Variants in C9 observed in about 807,000 individuals in gnomAD.
The protein encoded by C9 is complement component C9.
In C9, 63 loss-of-function variants were observed where a neutral mutation model predicts 65.4. That is an observed-to-expected ratio of 0.96 (90% CI 0.79 to 1.19). The LOEUF (loss-of-function observed/expected upper bound fraction) is 1.19. Among genes scored for constraint, C9 ranks in the 50% most tolerant of loss-of-function variants. The pLI is 0.00. For synonymous variants in C9, 229 were observed against 227.9 expected (o/e 1.00, Z -0.04); for missense variants, 744 against 670.1 (o/e 1.11, Z -1.22).
At chr5:39,321,094 A>G (rs1272964570) in intron 5 of C9, among the ~76,000 whole-genome samples, 3 of 152,114 alleles carry the variant, frequency 2.0e-5, no homozygotes, top group African/African-American at 7.2e-5. Flanking sequence ...AAATTATAAA[A>G]TTCACTGGTA....
chr5:39,296,937 G>T (rs6890977), intron 9 of C9, among the ~76,000 whole-genome samples: 1 of 151,224 alleles, frequency 6.6e-6, no homozygotes, highest in African/African-American at 2.4e-5. Context: ...GGTTGGGAAG[G>T]GTAGGGGAAA....
intron 4 of C9, among the ~76,000 whole-genome samples, chr5:39,334,342 C>A (rs1469995458): frequency 3.3e-5 from 5 of 150,264 alleles, no homozygotes; most frequent in Admixed American, 1.3e-4. Flanking sequence ...TGCCCGGCCG[C>A]CCCATCTGAG....
At chr5:39,310,309 AC>A (rs2111884763) in intron 7 of C9, among the ~76,000 whole-genome samples, 1 of 152,244 alleles carries the variant, frequency 6.6e-6, no homozygotes, top group East Asian at 1.9e-4. Flanking sequence ...TAAGAGACAC[AC>A]CTATAGTTAC....
chr5:39,348,041 A>G (rs901604191), intron 1 of C9, among the ~76,000 whole-genome samples: 2 of 151,660 alleles, frequency 1.3e-5, no homozygotes, highest in South Asian at 4.2e-4. Context: ...AAAGGCTTAC[A>G]TGTTAGACCT....
chr5:39,301,504 G>A (rs1478129996), intron 9 of C9, among the ~76,000 whole-genome samples: 6 of 152,082 alleles, frequency 3.9e-5, no homozygotes, highest in Non-Finnish European at 8.8e-5. Flanking sequence ...CTATGCTTAT[G>A]TAAATTACTA....
chr5:39,323,496 A>T (rs940863772), intron 5 of C9, among the ~76,000 whole-genome samples: 3 of 150,718 alleles, frequency 2.0e-5, no homozygotes, highest in Admixed American at 6.7e-5. Context: ...TATATCTAGG[A>T]TGCAAAGATA....
intron 1 of C9, among the ~76,000 whole-genome samples, chr5:39,353,466 T>C (rs757417953): frequency 3.3e-5 from 5 of 152,232 alleles, no homozygotes; most frequent in Non-Finnish European, 5.9e-5. Flanking sequence ...GACAAGCCAC[T>C]TTTTCTCATG....
At chr5:39,306,223 A>G (rs1753373491) in intron 9 of C9, among the ~76,000 whole-genome samples, 2 of 151,658 alleles carry the variant, frequency 1.3e-5, no homozygotes, top group Admixed American at 1.3e-4. Context: ...TAGACGTGAT[A>G]GTGGAACACC....
intron 9 of C9, among the ~76,000 whole-genome samples, chr5:39,303,136 A>G (rs973780259): frequency 1.3e-5 from 2 of 152,214 alleles, no homozygotes; most frequent in Non-Finnish European, 2.9e-5. Context: ...CTCTTAGCTG[A>G]CATTTTAATA....
intron 7 of C9, among the ~76,000 whole-genome samples, chr5:39,310,267 A>G (rs1753456578): frequency 6.6e-6 from 1 of 152,128 alleles, no homozygotes; most frequent in Admixed American, 6.6e-5. Flanking sequence ...CGTAAAAGCC[A>G]TTAAAGTGGT....
At chr5:39,345,726 A>G (rs1230779693) in intron 1 of C9, among the ~76,000 whole-genome samples, 1 of 152,042 alleles carries the variant, frequency 6.6e-6, no homozygotes, top group Non-Finnish European at 1.5e-5. Flanking sequence ...ATACATTCTC[A>G]GCACCACATC....
rs115939892 is a variant in C9 at position 39,328,534 on chromosome 5, C to A, written c.615+3142G>T. Among the ~76,000 whole-genome samples the A allele has an allele frequency of 6.4e-3, 972 of 152,148 alleles. 8 individuals carry two copies. The highest frequency in any genetic ancestry group is 0.022 in the African/African-American group (915 of 41,512). On this transcript the variant is annotated intron_variant, in intron 5 of 10. Transcript: ENST00000263408. ...GGGCAGAAAACAATAAGGTTCATGCCAAATCAGAGTTTTTCTGGATTGTAG... is the reference window on the plus strand; with the variant it reads ...GGGCAGAAAACAATAAGGTTCATGCAAAATCAGAGTTTTTCTGGATTGTAG...
intron 9 of C9, among the ~76,000 whole-genome samples, chr5:39,302,857 C>T (rs1365827193): frequency 2.0e-5 from 3 of 152,082 alleles, no homozygotes; most frequent in African/African-American, 7.2e-5. Context: ...GCATTTCTTA[C>T]CAATCAGGTA....
At position 39,331,780 on chromosome 5, in the gene C9, G is replaced by C; in HGVS notation, c.511C>G (p.Pro171Ala). The C allele has an allele frequency of 6.2e-7, 1 of 1,613,186 alleles. No homozygotes were observed. The highest frequency in any genetic ancestry group is 8.5e-7 in the Non-Finnish European group (1 of 1,179,134). The part of the protein sequence containing the change: ...NILGMDPLST[P>A]FDNEFYNGLC... ...CCATTGTAGAACTCATTGTCAAAAG[G>C]TGTGCTTAGGGGATCCATCCCTAAA... Residue 171 changes from proline (P) to alanine (A), a missense_variant, in exon 5 of 11, where the codon CCT (proline) becomes GCT (alanine). Coordinates refer to ENST00000263408, the MANE Select transcript of C9 (RefSeq NM_001737.5).
At chr5:39,334,805 A>G (rs186383905) in intron 4 of C9, among the ~76,000 whole-genome samples, 3,592 of 150,520 alleles carry the variant, frequency 0.024, 136 homozygotes, top group African/African-American at 0.083. Context: ...CCGCCACCCC[A>G]TCTGGGAGGT....
At chr5:39,318,228 A>C (rs1753605583) in intron 5 of C9, among the ~76,000 whole-genome samples, 1 of 152,200 alleles carries the variant, frequency 6.6e-6, no homozygotes, top group South Asian at 2.1e-4. Flanking sequence ...GAAGTAGCTT[A>C]TAAGCTTAAG....
At chr5:39,312,355 T>C (rs1753499387) in intron 6 of C9, among the ~76,000 whole-genome samples, 1 of 152,184 alleles carries the variant, frequency 6.6e-6, no homozygotes, top group Admixed American at 6.5e-5. Flanking sequence ...GGAGACATTA[T>C]CAATAAAGCC....
At chr5:39,304,228 G>A (rs1753336031) in intron 9 of C9, among the ~76,000 whole-genome samples, 1 of 152,024 alleles carries the variant, frequency 6.6e-6, no homozygotes, top group Non-Finnish European at 1.5e-5. Context: ...CACCTTTCTG[G>A]TCTTTCCTCC....
At chr5:39,364,320 TAAG>T in intron 1 of C9, 65 bp downstream of exon 1, 1 of 854,222 alleles carries the variant, frequency 1.2e-6, no homozygotes, top group South Asian at 1.3e-5. Flanking sequence ...ACTTTGCTGC[TAAG>T]AAGACCTTGA....
Sources: allele counts gnomAD v4.1 joint callset (sites outside exome capture counted in the v4.1 genomes callset), GRCh38; gene constraint gnomAD v4.1.1; transcripts MANE v1.5; gene names NCBI Gene and HGNC (gene_info 2026-07-23, HGNC 2026-07-21).